Variants in MDGA2 observed in about 807,000 individuals in gnomAD.
MDGA2 encodes the protein MAM domain-containing glycosylphosphatidylinositol anchor protein 2.
MDGA2 carries 40 observed loss-of-function variants against 117.8 expected under a neutral mutation model. That is an observed-to-expected ratio of 0.34 (90% CI 0.26 to 0.44). The LOEUF is 0.44. Among genes scored for constraint, MDGA2 ranks in the 20% least tolerant of loss-of-function variants. The probability of loss-of-function intolerance (pLI) is 1.00; values close to 1 mark genes in which losing one functional copy is unlikely to be tolerated. For synonymous variants in MDGA2, 452 were observed against 439.0 expected (o/e 1.03, Z -0.37); for missense variants, 1,123 against 1,250.6 (o/e 0.90, Z 1.54).
At chr14:47,183,636 A>G (rs559047748) in intron 3 of MDGA2, among the ~76,000 whole-genome samples, 92 of 152,270 alleles carry the variant, frequency 6.0e-4, no homozygotes, top group African/African-American at 1.8e-3. Flanking sequence ...TTATAATAGC[A>G]TATTTATTGA....
chr14:46,953,402 A>G (rs879851703), intron 9 of MDGA2, among the ~76,000 whole-genome samples: 5 of 151,736 alleles, frequency 3.3e-5, no homozygotes, highest in Non-Finnish European at 5.9e-5. Context: ...ATATTTTACA[A>G]CTCTAAGTAT....
rs1359990031 is a variant in MDGA2 at position 47,457,811 on chromosome 14, T to TG, written c.281-156262dup. ...CTCAGGCCACAGAGTCATTTTTTTC[T>TG]GTTTTTTTTTTTTGTTTGTTTATTT... On this transcript the variant is annotated intron_variant, in intron 1 of 16. Coordinates refer to ENST00000399232, the MANE Select transcript of MDGA2 (RefSeq NM_001113498.3). 2.2e-3 allele frequency among the ~76,000 whole-genome samples: 111 copies of TG among 49,730 alleles called. 1 individual carries two copies. The highest frequency in any genetic ancestry group is 3.1e-3 in the Non-Finnish European group (95 of 30,440). The allele number at this position is 49,730 out of a possible 152,430, so 32.6% of individuals were successfully genotyped here.
intron 1 of MDGA2, among the ~76,000 whole-genome samples, chr14:47,391,583 A>G (rs1298422576): frequency 6.6e-6 from 1 of 152,196 alleles, no homozygotes; most frequent in African/African-American, 2.4e-5. Context: ...TTTTCTTGTC[A>G]CAGGTATGCA....
chr14:47,602,682 C>A (rs891784589), intron 1 of MDGA2, among the ~76,000 whole-genome samples: 15 of 152,078 alleles, frequency 9.9e-5, no homozygotes, highest in Non-Finnish European at 2.2e-4. Flanking sequence ...TTCCTTGAGG[C>A]CTCCAATGGC....
intron 8 of MDGA2, among the ~76,000 whole-genome samples, chr14:46,995,442 T>C (rs1243265492): frequency 1.3e-5 from 2 of 152,166 alleles, no homozygotes; most frequent in African/African-American, 4.8e-5. Context: ...GTTAAATAAA[T>C]ATGGCAGAAT....
chr14:47,161,663 C>A (rs1883638266), intron 3 of MDGA2, among the ~76,000 whole-genome samples: 1 of 151,544 alleles, frequency 6.6e-6, no homozygotes, highest in African/African-American at 2.4e-5. Context: ...TTCAATAAAG[C>A]AAAAATTTTA....
chr14:47,590,084 G>A (rs1043118155), intron 1 of MDGA2, among the ~76,000 whole-genome samples: 9 of 151,736 alleles, frequency 5.9e-5, no homozygotes, highest in East Asian at 1.9e-4. Context: ...GTGTGTGTGC[G>A]TGTGTGTATT....
chr14:47,457,122 T>C (rs931864053), intron 1 of MDGA2, among the ~76,000 whole-genome samples: 4 of 152,204 alleles, frequency 2.6e-5, no homozygotes, highest in Non-Finnish European at 5.9e-5. Flanking sequence ...AGTTAGATAA[T>C]TGTACTGATG....
At chr14:47,235,074 T>A (rs1051974466) in intron 2 of MDGA2, among the ~76,000 whole-genome samples, 1 of 152,194 alleles carries the variant, frequency 6.6e-6, no homozygotes, top group South Asian at 2.1e-4. Flanking sequence ...ATCTCAAGCA[T>A]CACTTACAAT....
At chr14:47,264,748 G>A (rs1353697340) in intron 2 of MDGA2, among the ~76,000 whole-genome samples, 1 of 151,758 alleles carries the variant, frequency 6.6e-6, no homozygotes, top group Non-Finnish European at 1.5e-5. Context: ...GTATACACGT[G>A]CCATGGTAGT....
chr14:47,451,619 G>A (rs768845400), intron 1 of MDGA2, among the ~76,000 whole-genome samples: 5 of 152,036 alleles, frequency 3.3e-5, no homozygotes, highest in Admixed American at 6.6e-5. Flanking sequence ...AAAAACCTAC[G>A]TAGTAATAAA....
intron 1 of MDGA2, among the ~76,000 whole-genome samples, chr14:47,578,079 T>C (rs1228499720): frequency 6.6e-6 from 1 of 152,182 alleles, no homozygotes; most frequent in Non-Finnish European, 1.5e-5. Flanking sequence ...CATGGAATAC[T>C]ATGCAGCCAT....
intron 2 of MDGA2, among the ~76,000 whole-genome samples, chr14:47,283,162 G>C (rs1366918845): frequency 6.6e-6 from 1 of 152,176 alleles, no homozygotes; most frequent in African/African-American, 2.4e-5. Context: ...GGAAGGAGAA[G>C]TGAGGGTTAG....
chr14:47,519,866 C>T (rs1894833953), intron 1 of MDGA2, among the ~76,000 whole-genome samples: 1 of 152,108 alleles, frequency 6.6e-6, no homozygotes. Flanking sequence ...GACATTTTCC[C>T]CCATCTCAGT....
rs180843955 is a variant in MDGA2, at chr14:47,518,960, T to C, written c.280+155557A>G. 1.7e-3 allele frequency among the ~76,000 whole-genome samples: 256 copies of C among 152,280 alleles called. 1 individual carries two copies. The highest frequency in any genetic ancestry group is 5.9e-3 in the African/African-American group (245 of 41,572). On this transcript the variant is annotated intron_variant, in intron 1 of 16. Transcript: ENST00000399232. ...GGCTCATACCTGTAATCCCAGCATT[T>C]TGGGAAGCTGAGGCGGGCAGATCAA...
chr14:47,215,758 T>C (rs1207401147), intron 3 of MDGA2, among the ~76,000 whole-genome samples: 2 of 152,170 alleles, frequency 1.3e-5, no homozygotes, highest in Admixed American at 6.6e-5. Flanking sequence ...CTTAACATCA[T>C]GTTATTTTCT....
At chr14:47,563,175 A>G (rs563677668) in intron 1 of MDGA2, among the ~76,000 whole-genome samples, 3 of 152,206 alleles carry the variant, frequency 2.0e-5, no homozygotes, top group Admixed American at 6.5e-5. Flanking sequence ...TAATTTTACA[A>G]TATGTGTTAT....
intron 3 of MDGA2, among the ~76,000 whole-genome samples, chr14:47,178,522 T>C (rs1349859353): frequency 2.6e-5 from 4 of 152,206 alleles, no homozygotes; most frequent in Non-Finnish European, 5.9e-5. Context: ...TTTTACAAAA[T>C]GCATTGTTCA....
chr14:47,037,195 G>C (rs1392215942), intron 7 of MDGA2, among the ~76,000 whole-genome samples: 1 of 152,182 alleles, frequency 6.6e-6, no homozygotes, highest in African/African-American at 2.4e-5. Flanking sequence ...AAAGGGTGCA[G>C]AATAACCTCA....
Sources: allele counts gnomAD v4.1 joint callset (sites outside exome capture counted in the v4.1 genomes callset), GRCh38; gene constraint gnomAD v4.1.1; transcripts MANE v1.5; gene names NCBI Gene and HGNC (gene_info 2026-07-23, HGNC 2026-07-21).